The following SYT9 variants were observed in gnomAD, a reference collection of about 807,000 sequenced individuals.
SYT9 encodes the protein synaptotagmin 9.
Under a neutral mutation model 48.4 loss-of-function variants are expected in SYT9, and 22 were observed. That is an observed-to-expected ratio of 0.45 (90% CI 0.32 to 0.65). The LOEUF (loss-of-function observed/expected upper bound fraction) is 0.65, where lower values mean the gene tolerates loss of function less well. Ranked by LOEUF, SYT9 falls within the 30% of genes least tolerant of loss-of-function variation. SYT9 has a pLI of 0.03. For missense variants in SYT9, 577 were observed against 622.0 expected, an observed-to-expected ratio of 0.93 and a Z score of 0.77; for synonymous variants, 265 against 245.0, an observed-to-expected ratio of 1.08 and a Z score of -0.76.
rs1444803869 is a variant in SYT9 at position 7,360,368 on chromosome 11, G to GT, written c.1044+46433dup. On this transcript the variant is annotated intron_variant, in intron 3 of 6. Coordinates refer to ENST00000318881, the MANE Select transcript of SYT9 (RefSeq NM_175733.4). ...TTGGTTCCATAAGAACTTTAAAGTA[G>GT]TTTTTTCCAATTCTGGGAAGAAAGT... 7.0e-3 allele frequency among the ~76,000 whole-genome samples: 1,065 copies of GT among 152,302 alleles called. 8 individuals carry two copies. The highest frequency in any genetic ancestry group is 0.024 in the African/African-American group (982 of 41,560).
In SYT9 at chr11:7,238,884, T is replaced by G. The variant is rs767868009; in HGVS notation, c.17T>G (p.Val6Gly). ...AGAGAACAAATGCTGGCGAAGGTGG[T>G]GGAGGGAGATTTAGCTTTCAAAGGA... Residue 6 changes from valine to glycine, a missense_variant and NMD_transcript_variant, in exon 1 of 9, where the codon GTG (valine) becomes GGG (glycine). By Grantham distance (109) the Val-to-Gly change is moderately radical. Transcript: ENST00000524820. The G allele has an allele frequency of 5.5e-5, 25 of 455,776 alleles. 1 individual carries two copies. Among genetic ancestry groups the G allele is most frequent in the South Asian group, 3.7e-4 (24 of 64,548 alleles). The allele number at this position is 455,776 out of a possible 1,614,324, so 28.2% of individuals were successfully genotyped here.
At chr11:7,442,142 C>G (rs1445723360) in intron 6 of SYT9, among the ~76,000 whole-genome samples, 2 of 152,090 alleles carry the variant, frequency 1.3e-5, no homozygotes, top group African/African-American at 2.4e-5. Flanking sequence ...GAGATGATCC[C>G]AGGAACCCCA....
rs901382152 is a variant in SYT9, at chr11:7,302,975, G to A, written c.146-64G>A. 53 of 1,428,952 alleles carry A rather than the reference G, an allele frequency of 3.7e-5. No individual in the cohort carries two copies. The Admixed American group carries it at 5.3e-4, about 14-fold the overall frequency. The allele number at this position is 1,428,952 out of a possible 1,614,324, so 88.5% of individuals were successfully genotyped here. A position where few individuals can be genotyped will look rare whatever the true frequency, so the allele number is the denominator to read the frequency against. Reference sequence around the variant, plus strand: ...TGGATGAGAGGGTCATTCTGCCCACGCTGTGCAATGGGTGGGCTTGAGGGG... The same window carrying A: ...TGGATGAGAGGGTCATTCTGCCCACACTGTGCAATGGGTGGGCTTGAGGGG... On this transcript the variant is annotated intron_variant, in intron 1 of 6. Coordinates refer to ENST00000318881, the MANE Select transcript of SYT9 (RefSeq NM_175733.4).
At chr11:7,314,316 C>CCATT (rs547884241) in intron 3 of SYT9, 40 of 395,334 alleles carry the variant, frequency 1.0e-4, no homozygotes, top group Non-Finnish European at 2.0e-4. Flanking sequence ...AGCTAAGAGA[C>CCATT]CATTACCTGA....
intron 1 of SYT9, among the ~76,000 whole-genome samples, chr11:7,281,281 C>A (rs1848488130): frequency 6.6e-6 from 1 of 152,212 alleles, no homozygotes; most frequent in Non-Finnish European, 1.5e-5. Flanking sequence ...GAGATCAGAT[C>A]CAATAGAACA....
In SYT9 at chr11:7,420,673, G is replaced by A. The variant is rs1302199292; in HGVS notation, c.1467+38G>A. ...TCCACATGCTCCACTTTGCATAAGA[G>A]TAAATGCTTTACTGTTGAAATGCAG... On this transcript the variant is annotated intron_variant, in intron 6 of 6. Transcript: ENST00000318881. 6.2e-6 allele frequency: 10 copies of A among 1,611,706 alleles called. No homozygotes were observed. The East Asian group carries it at 2.2e-4, about 36-fold the overall frequency.
At chr11:7,397,668 A>G (rs1027759523) in intron 3 of SYT9, among the ~76,000 whole-genome samples, 3 of 152,176 alleles carry the variant, frequency 2.0e-5, no homozygotes, top group Non-Finnish European at 4.4e-5. Flanking sequence ...AACTCTTCAT[A>G]TATTTATATC....
intron 3 of SYT9, among the ~76,000 whole-genome samples, chr11:7,385,551 A>T (rs1405934196): frequency 6.6e-6 from 1 of 152,104 alleles, no homozygotes; most frequent in African/African-American, 2.4e-5. Flanking sequence ...GCTGGGTACT[A>T]TGCCTATTAC....
chr11:7,348,253 A>T (rs1849839054), intron 3 of SYT9, among the ~76,000 whole-genome samples: 1 of 151,632 alleles, frequency 6.6e-6, no homozygotes, highest in South Asian at 2.1e-4. Flanking sequence ...TACCAACTCT[A>T]CCCCCCTCCT....
intron 3 of SYT9, among the ~76,000 whole-genome samples, chr11:7,364,396 A>C (rs950502079): frequency 2.0e-5 from 3 of 152,206 alleles, no homozygotes; most frequent in African/African-American, 7.2e-5. Flanking sequence ...ATACATAGCT[A>C]CATTTTGTTA....
intron 1 of SYT9, among the ~76,000 whole-genome samples, chr11:7,267,649 A>G (rs1848210470): frequency 6.6e-6 from 1 of 151,926 alleles, no homozygotes. Flanking sequence ...TAGAAAAAAA[A>G]ATGCATTGAA....
chr11:7,355,595 C>G (rs1000349590), intron 3 of SYT9, among the ~76,000 whole-genome samples: 1 of 152,194 alleles, frequency 6.6e-6, no homozygotes, highest in Non-Finnish European at 1.5e-5. Flanking sequence ...CAGTTATTGT[C>G]TGATCCATTG....
rs767142377 is a variant in SYT9 at position 7,433,541 on chromosome 11, C to CT, written c.1467+12907dup. Among the ~76,000 whole-genome samples the CT allele has an allele frequency of 2.0e-5, 3 of 151,744 alleles. No homozygotes were observed. In the South Asian group the frequency reaches 6.2e-4, roughly 31 times the overall value. ...ATCTGCATTCTCTCTCTGCTATGGTCTGAGTGCTTGCATCCTCCCAAAATT... is the reference window on the plus strand; with the variant it reads ...ATCTGCATTCTCTCTCTGCTATGGTCTTGAGTGCTTGCATCCTCCCAAAATT... On this transcript the variant is annotated intron_variant, in intron 6 of 6. Coordinates refer to ENST00000318881, the MANE Select transcript of SYT9 (RefSeq NM_175733.4).
intron 1 of SYT9, among the ~76,000 whole-genome samples, chr11:7,270,007 C>A (rs1848264964): frequency 6.6e-6 from 1 of 151,902 alleles, no homozygotes; most frequent in Non-Finnish European, 1.5e-5. Flanking sequence ...GCAAGACAAA[C>A]CAAAAATGGG....
In SYT9 at chr11:7,416,078, T is replaced by G. The variant is rs1847241440; in HGVS notation, c.1081T>G (p.Cys361Gly). ...TCTGGGAGAGCTGATGTTTTCCCTG[T>G]GCTATCTTCCAACGGCTGGCAGGCT... is the stretch of plus-strand genomic sequence containing the variant. ...VDLGELMFSL[C>G]YLPTAGRLTI... Residue 361 changes from cysteine (C) to glycine (G), a missense_variant, in exon 4 of 7, where the codon TGC (cysteine) becomes GGC (glycine). Coordinates refer to ENST00000318881, the MANE Select transcript of SYT9 (RefSeq NM_175733.4). 1 of 1,614,182 alleles carries G rather than the reference T, an allele frequency of 6.2e-7. No homozygotes were observed. Among genetic ancestry groups the G allele is most frequent in the Non-Finnish European group, 8.5e-7 (1 of 1,180,028 alleles).
Position 7,313,833 on chromosome 11 carries a change from G to C in SYT9, c.936G>C (p.Arg312Ser), listed in dbSNP as rs774890538. The C allele has an allele frequency of 6.2e-7, 1 of 1,614,154 alleles. No individual in the cohort carries two copies. Among genetic ancestry groups the C allele is most frequent in the Non-Finnish European group, 8.5e-7 (1 of 1,180,018 alleles). Reference protein sequence around the residue: ...KLHFSVYDFDRFSRHDLIGQV... With the variant: ...KLHFSVYDFDSFSRHDLIGQV... ...ACTTCTCTGTGTACGACTTTGACAG[G>C]TTCTCTCGTCATGACTTAATCGGCC... The change falls in exon 3 of 7, where the codon AGG becomes AGC. Residue 312 changes from arginine to serine, a missense_variant. By Grantham distance (110) the Arg-to-Ser change is moderately radical. Coordinates refer to ENST00000318881, the MANE Select transcript of SYT9 (RefSeq NM_175733.4).
chr11:7,289,755 A>G (rs577690985), intron 1 of SYT9, among the ~76,000 whole-genome samples: 2 of 152,302 alleles, frequency 1.3e-5, no homozygotes, highest in South Asian at 4.1e-4. Flanking sequence ...TTATTGATCA[A>G]TGATTTTTAG....
chr11:7,355,090 G>A (rs1032458749), intron 3 of SYT9, among the ~76,000 whole-genome samples: 4 of 152,146 alleles, frequency 2.6e-5, no homozygotes, highest in Non-Finnish European at 4.4e-5. Flanking sequence ...ATAAAAGTAC[G>A]TTTCCATAGG....
At chr11:7,260,696 T>G (rs988047114) in intron 1 of SYT9, among the ~76,000 whole-genome samples, 5 of 152,222 alleles carry the variant, frequency 3.3e-5, no homozygotes, top group Admixed American at 3.3e-4. Flanking sequence ...ATATGTTCTT[T>G]CTGTCCAAGG....
Sources: allele counts gnomAD v4.1 joint callset (sites outside exome capture counted in the v4.1 genomes callset), GRCh38; gene constraint gnomAD v4.1.1; transcripts MANE v1.5; gene names NCBI Gene and HGNC (gene_info 2026-07-23, HGNC 2026-07-21).